PARD3: variants seen among roughly 807,000 people sequenced by gnomAD.
PARD3 encodes partitioning defective 3 homolog.
Under a neutral mutation model 155.4 loss-of-function variants are expected in PARD3, and 75 were observed. The ratio of observed to expected loss-of-function variants is 0.48; its 90% confidence interval spans 0.40 to 0.58. PARD3 has a LOEUF of 0.58. Among genes scored for constraint, PARD3 ranks in the 20% least tolerant of loss-of-function variants. PARD3 has a pLI of 0.00. For synonymous variants in PARD3, 576 were observed against 610.5 expected (o/e 0.94, Z 0.83); for missense variants, 1,642 against 1,721.7 (o/e 0.95, Z 0.82).
chr10:34,813,812 G>A (rs1844532780), intron 1 of PARD3, among the ~76,000 whole-genome samples: 1 of 152,166 alleles, frequency 6.6e-6, no homozygotes, highest in South Asian at 2.1e-4. Flanking sequence ...GGGAACAAAT[G>A]GGAAATACTG....
chr10:34,389,840 T>A (rs765272820), intron 7 of PARD3, among the ~76,000 whole-genome samples: 10 of 152,128 alleles, frequency 6.6e-5, no homozygotes, highest in South Asian at 4.1e-4. Flanking sequence ...ATTTTTTTTT[T>A]AGAAAAACTT....
At chr10:34,673,984 CA>C (rs200637507) in intron 2 of PARD3, among the ~76,000 whole-genome samples, 39 of 117,134 alleles carry the variant, frequency 3.3e-4, no homozygotes, top group Admixed American at 6.1e-4. Flanking sequence ...GAGTCTGCAT[CA>C]AAAAAAAAAA....
intron 1 of PARD3, among the ~76,000 whole-genome samples, chr10:34,724,394 A>G (rs529163880): frequency 6.6e-6 from 1 of 152,202 alleles, no homozygotes. Flanking sequence ...GTTCTCTTAC[A>G]TAACTAAAGA....
At chr10:34,703,565 G>C (rs2094317289) in intron 1 of PARD3, among the ~76,000 whole-genome samples, 1 of 151,942 alleles carries the variant, frequency 6.6e-6, no homozygotes, top group African/African-American at 2.4e-5. Context: ...AAGAGAATTG[G>C]GAAAACAGAG....
chr10:34,200,526 GAGTCTT>G (rs1951163247), intron 22 of PARD3, among the ~76,000 whole-genome samples: 2 of 151,814 alleles, frequency 1.3e-5, no homozygotes, highest in South Asian at 4.1e-4. Context: ...TCTAGTTAAG[GAGTCTT>G]AGTCTGTAGC....
At chr10:34,749,161 G>A (rs10732430) in intron 1 of PARD3, among the ~76,000 whole-genome samples, 102,681 of 152,094 alleles carry the variant, frequency 0.68, 34,752 homozygotes, top group Non-Finnish European at 0.72. Flanking sequence ...TTCCAAAATT[G>A]TAAATATAGC....
intron 20 of PARD3, among the ~76,000 whole-genome samples, chr10:34,298,596 G>C (rs1957017293): frequency 6.6e-6 from 1 of 152,172 alleles, no homozygotes; most frequent in South Asian, 2.1e-4. Flanking sequence ...GGGGAAGAGG[G>C]AACTGGGGAG....
At chr10:34,296,179 CTATAT>C (rs1241697485) in intron 20 of PARD3, among the ~76,000 whole-genome samples, 3 of 152,158 alleles carry the variant, frequency 2.0e-5, no homozygotes, top group Non-Finnish European at 4.4e-5. Context: ...ATGAAGTAAA[CTATAT>C]TATATTTTAA....
intron 22 of PARD3, among the ~76,000 whole-genome samples, chr10:34,197,554 A>G (rs1027695626): frequency 2.0e-5 from 3 of 152,192 alleles, no homozygotes; most frequent in South Asian, 2.1e-4. Flanking sequence ...TTTGGGACAT[A>G]AAAATTATTC....
chr10:34,253,325 C>A (rs1404786729), intron 22 of PARD3, among the ~76,000 whole-genome samples: 1 of 152,194 alleles, frequency 6.6e-6, no homozygotes, highest in African/African-American at 2.4e-5. Context: ...CCAGCAAAGC[C>A]TACAGGCCCT....
rs531578921 is a variant in PARD3, at chr10:34,540,216, G to C, written c.223-23057C>G. Among the ~76,000 whole-genome samples, 11 of 152,192 alleles carry C rather than the reference G, an allele frequency of 7.2e-5. No individual in the cohort carries two copies. In the South Asian group the frequency reaches 1.7e-3, roughly 23 times the overall value. On this transcript the variant is annotated intron_variant, in intron 2 of 24. Coordinates refer to ENST00000374788, the MANE Select transcript of PARD3 (RefSeq NM_001184785.2). ...GCACGCATTAGAGCAGGATTGCTCTGCTGCATCCCCAGGACCTAGAACAGT... is the reference window on the plus strand; with the variant it reads ...GCACGCATTAGAGCAGGATTGCTCTCCTGCATCCCCAGGACCTAGAACAGT...
intron 7 of PARD3, among the ~76,000 whole-genome samples, chr10:34,396,125 G>A (rs912503003): frequency 1.3e-5 from 2 of 152,120 alleles, no homozygotes; most frequent in Non-Finnish European, 2.9e-5. Context: ...TGAGGCCGGC[G>A]GATCACTTGA....
chr10:34,451,197 C>T (rs2077036275), intron 4 of PARD3, among the ~76,000 whole-genome samples: 1 of 152,154 alleles, frequency 6.6e-6, no homozygotes, highest in South Asian at 2.1e-4. Flanking sequence ...CTTCCTTTGG[C>T]TTATGAGCTG....
chr10:34,766,549 C>T (rs540927248), intron 1 of PARD3, among the ~76,000 whole-genome samples: 1 of 141,762 alleles, frequency 7.1e-6, no homozygotes, highest in East Asian at 2.2e-4. Context: ...TACAGATACA[C>T]ATTCTAATGA....
chr10:34,560,437 G>A (rs1402102632), intron 2 of PARD3, among the ~76,000 whole-genome samples: 1 of 151,812 alleles, frequency 6.6e-6, no homozygotes, highest in African/African-American at 2.4e-5. Flanking sequence ...TCAGGGGGTT[G>A]TTACATGTGA....
intron 3 of PARD3, among the ~76,000 whole-genome samples, chr10:34,485,422 G>T (rs992427392): frequency 6.6e-6 from 1 of 152,132 alleles, no homozygotes; most frequent in African/African-American, 2.4e-5. Context: ...AATTGCCCAA[G>T]GTGATTTGTT....
At chr10:34,573,298 G>A (rs1335920518) in intron 2 of PARD3, among the ~76,000 whole-genome samples, 2 of 152,222 alleles carry the variant, frequency 1.3e-5, no homozygotes, top group Non-Finnish European at 2.9e-5. Context: ...TGAGGCTGTA[G>A]TGAACCATGA....
chr10:34,282,961 C>T (rs888744744), intron 21 of PARD3, among the ~76,000 whole-genome samples: 9 of 151,988 alleles, frequency 5.9e-5, no homozygotes, highest in South Asian at 2.1e-4. Flanking sequence ...AGGAACCAGC[C>T]GTCTTGCTTC....
chr10:34,632,911 G>A (rs182352488), intron 2 of PARD3, among the ~76,000 whole-genome samples: 4 of 152,326 alleles, frequency 2.6e-5, no homozygotes, highest in Admixed American at 1.3e-4. Context: ...GGCCACAGGT[G>A]GCTCGGGGAG....
Sources: gnomAD v4.1 joint callset for allele counts (sites outside exome capture counted in the v4.1 genomes callset) on GRCh38, gnomAD v4.1.1 for gene constraint, MANE v1.5 for transcripts, NCBI Gene and HGNC (gene_info 2026-07-23, HGNC 2026-07-21) for gene names.